Variants in DMD observed in about 807,000 individuals in gnomAD.
The protein encoded by DMD is mutant dystrophin.
Under a neutral mutation model 330.1 loss-of-function variants are expected in DMD, and 63 were observed. That is an observed-to-expected ratio of 0.19 (90% CI 0.16 to 0.24). The LOEUF (loss-of-function observed/expected upper bound fraction) is 0.24, where lower values mean the gene tolerates loss of function less well. Among genes scored for constraint, DMD ranks in the 10% least tolerant of loss-of-function variants. The pLI, the probability that DMD is intolerant of heterozygous loss-of-function variation, is 1.00. For missense variants in DMD, 3,344 were observed against 2,684.1 expected (o/e 1.25, Z -5.43); for synonymous variants, 1,223 against 959.8 (o/e 1.27, Z -5.07).
intron 42 of DMD, among the ~76,000 whole-genome samples, chrX:32,307,080 A>G (rs1181739361): frequency 9.0e-6 from 1 of 111,189 alleles, no homozygotes; most frequent in Non-Finnish European, 1.9e-5. Flanking sequence ...AATGCTAACT[A>G]CACAGTAAAT....
At chrX:33,033,812 T>A (rs1033651199) in intron 1 of DMD, among the ~76,000 whole-genome samples, 4 of 111,700 alleles carry the variant, frequency 3.6e-5, no homozygotes, top group East Asian at 5.6e-4. Context: ...TACAAAAGAT[T>A]TAGACATTGT....
At chrX:32,682,221 G>T (rs750196881) in intron 9 of DMD, among the ~76,000 whole-genome samples, 1 of 111,641 alleles carries the variant, frequency 9.0e-6, no homozygotes, top group African/African-American at 3.3e-5. Context: ...CCCATGCTTG[G>T]TTCACTGTCT....
In DMD at chrX:32,703,622, G is replaced by A. The variant is rs1293784188; in HGVS notation, c.650-4329C>T. 1.8e-4 allele frequency among the ~76,000 whole-genome samples: 20 copies of A among 111,398 alleles called. 1 individual carries two copies. Among genetic ancestry groups the A allele is most frequent in the Admixed American group, 1.1e-3 (11 of 10,398 alleles). On this transcript the variant is annotated intron_variant, in intron 7 of 78. Transcript: ENST00000357033. ...TATGGGAAATCAAAATAAATGTTAT[G>A]GACTTCGGGGTAATCCTCATTTATG...
chrX:32,666,192 C>T (rs1056554231), intron 9 of DMD, among the ~76,000 whole-genome samples: 1 of 110,855 alleles, frequency 9.0e-6, no homozygotes, highest in East Asian at 2.8e-4. Flanking sequence ...TCCTAGGTGT[C>T]TTTTTTTATT....
At chrX:32,559,987 G>A (rs1439162479) in intron 16 of DMD, among the ~76,000 whole-genome samples, 1 of 110,924 alleles carries the variant, frequency 9.0e-6, no homozygotes, top group Non-Finnish European at 1.9e-5. Context: ...CAAATTCTGA[G>A]CATATGTATT....
chrX:31,376,167 C>G (rs1216933799), intron 60 of DMD, among the ~76,000 whole-genome samples: 2 of 112,388 alleles, frequency 1.8e-5, no homozygotes, highest in Non-Finnish European at 3.7e-5. Flanking sequence ...TGGAAGCAAA[C>G]AGCACTATTT....
chrX:31,241,224 C>T lies in DMD; in HGVS notation c.9287-18103G>A, dbSNP rs182013334. 2.8e-4 allele frequency among the ~76,000 whole-genome samples: 31 copies of T among 111,673 alleles called. 3 individuals are homozygous for T. Among genetic ancestry groups the T allele is most frequent in the Admixed American group, 2.2e-3 (23 of 10,514 alleles). On this transcript the variant is annotated intron_variant, in intron 63 of 78. Transcript: ENST00000357033. ...TATTTCCTCTTCAAAATGCCACTGT[C>T]CCCTCTCAGGAAGAAAGTATAGCTG...
chrX:32,323,864 T>C (rs549134228), intron 41 of DMD, among the ~76,000 whole-genome samples: 1 of 111,830 alleles, frequency 8.9e-6, no homozygotes, highest in South Asian at 3.7e-4. Flanking sequence ...AGAGTTATTG[T>C]AAAAATGAAG....
chrX:32,093,425 G>A (rs2096487906), intron 44 of DMD, among the ~76,000 whole-genome samples: 1 of 112,035 alleles, frequency 8.9e-6, no homozygotes, highest in Non-Finnish European at 1.9e-5. Flanking sequence ...TATTAAGAAA[G>A]TGTTTACAAC....
chrX:33,124,232 C>T (rs991587100), intron 1 of DMD, among the ~76,000 whole-genome samples: 3 of 109,087 alleles, frequency 2.8e-5, no homozygotes, highest in Non-Finnish European at 5.7e-5. Context: ...AACCCCAGCA[C>T]TTTGGGAGGC....
intron 62 of DMD, among the ~76,000 whole-genome samples, chrX:31,290,526 C>T (rs954390145): frequency 7.2e-5 from 8 of 111,735 alleles, no homozygotes; most frequent in Non-Finnish European, 1.3e-4. Context: ...TCTTATTAGT[C>T]TACAAGACTT....
intron 62 of DMD, among the ~76,000 whole-genome samples, chrX:31,311,814 C>T (rs187119455): frequency 1.2e-3 from 129 of 111,572 alleles, no homozygotes; most frequent in East Asian, 8.4e-3. Context: ...CATCTACAAA[C>T]ATCTGATCTT....
intron 48 of DMD, among the ~76,000 whole-genome samples, chrX:31,848,633 T>C (rs922090533): frequency 2.7e-5 from 3 of 111,198 alleles, no homozygotes; most frequent in African/African-American, 6.5e-5. Context: ...CTTCATAGTA[T>C]TGATAGTTCA....
chrX:32,189,467 T>C (rs1432216165), intron 44 of DMD, among the ~76,000 whole-genome samples: 1 of 110,459 alleles, frequency 9.1e-6, no homozygotes, highest in African/African-American at 3.3e-5. Flanking sequence ...TGTCCATAGC[T>C]GCTTCCAATG....
intron 33 of DMD, 119 bp downstream of exon 33, chrX:32,386,191 T>TAG (rs1158132373): frequency 3.0e-5 from 22 of 733,162 alleles, no homozygotes; most frequent in Non-Finnish European, 3.8e-5. Flanking sequence ...TACATATACA[T>TAG]AGAGAGAGAG....
At chrX:33,237,766 A>G (rs964374342) in intron 1 of DMD, among the ~76,000 whole-genome samples, 3 of 112,357 alleles carry the variant, frequency 2.7e-5, no homozygotes, top group African/African-American at 9.7e-5. Context: ...CAAAATGAAA[A>G]TATGTATTGC....
intron 55 of DMD, among the ~76,000 whole-genome samples, chrX:31,615,292 T>G (rs1190557574): frequency 8.9e-6 from 1 of 111,914 alleles, no homozygotes; most frequent in Admixed American, 9.5e-5. Flanking sequence ...AGTTGGCAAA[T>G]AGTCCCAGCC....
intron 51 of DMD, among the ~76,000 whole-genome samples, chrX:31,758,271 G>C (rs764908476): frequency 9.0e-6 from 1 of 111,047 alleles, no homozygotes; most frequent in African/African-American, 3.3e-5. Context: ...TTAAGGTAAA[G>C]AATATTTGGA....
chrX:31,322,320 G>A (rs192544166), intron 62 of DMD, among the ~76,000 whole-genome samples: 16 of 111,670 alleles, frequency 1.4e-4, no homozygotes, highest in African/African-American at 1.9e-4. Flanking sequence ...GTAATATACA[G>A]TGCATGTCTA....
Sources: allele counts gnomAD v4.1 joint callset (sites outside exome capture counted in the v4.1 genomes callset), GRCh38; gene constraint gnomAD v4.1.1; transcripts MANE v1.5; gene names NCBI Gene and HGNC (gene_info 2026-07-23, HGNC 2026-07-21).